Variants in BCAS3 observed in about 807,000 individuals in gnomAD.
The protein encoded by BCAS3 is BCAS4/BCAS3 fusion.
Under a neutral mutation model 116.1 loss-of-function variants are expected in BCAS3, and 53 were observed. That is an observed-to-expected ratio of 0.46 (90% CI 0.37 to 0.57). BCAS3 has a LOEUF of 0.57. Ranked by LOEUF, BCAS3 falls within the 20% of genes least tolerant of loss-of-function variation. The probability of loss-of-function intolerance (pLI) is 0.00; values close to 1 mark genes in which losing one functional copy is unlikely to be tolerated. For missense variants in BCAS3, 917 were observed against 1,165.4 expected, an observed-to-expected ratio of 0.79 and a Z score of 3.10; for synonymous variants, 391 against 408.2, an observed-to-expected ratio of 0.96 and a Z score of 0.51.
At chr17:61,016,173 T>A (rs1431629825) in intron 16 of BCAS3, among the ~76,000 whole-genome samples, 1 of 152,206 alleles carries the variant, frequency 6.6e-6, no homozygotes. Flanking sequence ...ATCTACTTCG[T>A]CTTATGCTTA....
At chr17:61,179,274 T>TG (rs2079333724) in intron 22 of BCAS3, among the ~76,000 whole-genome samples, 1 of 14,960 alleles carries the variant, frequency 6.7e-5, no homozygotes, top group African/African-American at 1.1e-4. Context: ...AGAAAAAGCC[T>TG]TTTTTTTTTT....
At chr17:61,057,903 T>A (rs1222308382) in intron 19 of BCAS3, among the ~76,000 whole-genome samples, 3 of 152,154 alleles carry the variant, frequency 2.0e-5, no homozygotes, top group African/African-American at 7.2e-5. Context: ...TTTTCCTATA[T>A]GTTTTAATAC....
chr17:61,265,475 C>T lies in BCAS3; in HGVS notation c.2426-102852C>T, dbSNP rs1475749239. ...ATTCAATAATTGTTCCCTTCCTTCC[C>T]CTCTTATACAAGGAAGAAAAAAGAC... is the stretch of plus-strand genomic sequence containing the variant. On this transcript the variant is annotated intron_variant, in intron 22 of 23. Transcript: ENST00000407086. The surrounding 1 kb of genome is among the most constrained non-coding windows in gnomAD (Gnocchi z 4.3). Among the ~76,000 whole-genome samples, 1 of 152,068 alleles carries T rather than the reference C, an allele frequency of 6.6e-6. No individual in the cohort carries two copies. The highest frequency in any genetic ancestry group is 1.5e-5 in the Non-Finnish European group (1 of 68,024).
intron 22 of BCAS3, among the ~76,000 whole-genome samples, chr17:61,173,612 A>T (rs1568505590): frequency 6.6e-6 from 1 of 152,314 alleles, no homozygotes; most frequent in East Asian, 1.9e-4. Context: ...TCTTAAAAAA[A>T]CTATATAATA....
In BCAS3 at chr17:61,381,097, A is replaced by T. The variant is rs1486992238; in HGVS notation, c.2594-10880A>T. 1.3e-5 allele frequency among the ~76,000 whole-genome samples: 2 copies of T among 152,352 alleles called. No individual in the cohort carries two copies. The highest frequency in any genetic ancestry group is 4.8e-5 in the African/African-American group (2 of 41,586). On this transcript the variant is annotated intron_variant, in intron 23 of 23. Coordinates refer to ENST00000407086, the MANE Select transcript of BCAS3 (RefSeq NM_017679.5). The surrounding 1 kb of genome is among the most constrained non-coding windows in gnomAD (Gnocchi z 6.0). ...TAACACAAAATTCATTACTGATCACATTACTTTCAACTCTGAAGCCAGCCT... is the reference window on the plus strand; with the variant it reads ...TAACACAAAATTCATTACTGATCACTTTACTTTCAACTCTGAAGCCAGCCT...
intron 12 of BCAS3, among the ~76,000 whole-genome samples, chr17:60,918,781 A>G (rs972149272): frequency 1.3e-5 from 2 of 148,730 alleles, no homozygotes; most frequent in Non-Finnish European, 3.0e-5. Context: ...CAAGCTCCGC[A>G]TCCCGGGTTT....
chr17:60,976,323 A>G (rs2062366525), intron 14 of BCAS3, among the ~76,000 whole-genome samples: 1 of 151,598 alleles, frequency 6.6e-6, no homozygotes. Context: ...CACAGCTTGT[A>G]TATAGGTTTT....
chr17:61,330,000 C>G (rs767330451), intron 22 of BCAS3, among the ~76,000 whole-genome samples: 1 of 152,172 alleles, frequency 6.6e-6, no homozygotes, highest in Admixed American at 6.5e-5. Context: ...CCTGCCCTAA[C>G]AGAACTTATT....
At chr17:60,764,666 C>T (rs8065913) in intron 6 of BCAS3, among the ~76,000 whole-genome samples, 41,693 of 151,966 alleles carry the variant, frequency 0.27, 11,431 homozygotes, top group African/African-American at 0.71. Flanking sequence ...GAACAATGTA[C>T]ATTCTGTTGA....
intron 22 of BCAS3, among the ~76,000 whole-genome samples, chr17:61,353,103 G>A (rs999350601): frequency 1.3e-5 from 2 of 152,140 alleles, no homozygotes; most frequent in Admixed American, 6.5e-5. Context: ...CAAGCCGGAT[G>A]TAACAGGCCC....
At chr17:60,883,190 TTC>T (rs1599408597) in intron 9 of BCAS3, among the ~76,000 whole-genome samples, 2 of 145,762 alleles carry the variant, frequency 1.4e-5, no homozygotes, top group African/African-American at 2.6e-5. Context: ...AGGTATTTTA[TTC>T]TCTTTGAAGC....
At chr17:60,910,723 G>A (rs1357405316) in intron 12 of BCAS3, 21 bp downstream of exon 12, 6 of 1,576,440 alleles carry the variant, frequency 3.8e-6, no homozygotes, top group East Asian at 2.3e-5. Flanking sequence ...CTTTTGGTGC[G>A]TACCATGTGT....
At chr17:61,298,807 TTTATTTATTTATTTA>T (rs1057481399) in intron 22 of BCAS3, among the ~76,000 whole-genome samples, 8 of 136,666 alleles carry the variant, frequency 5.9e-5, no homozygotes, top group South Asian at 2.3e-4. Flanking sequence ...TATTTATTTA[TTTATTTATTTATTTA>T]TTATTATTAT....
At chr17:61,030,843 A>G (rs1471576355) in intron 16 of BCAS3, among the ~76,000 whole-genome samples, 3 of 151,958 alleles carry the variant, frequency 2.0e-5, no homozygotes, top group African/African-American at 7.2e-5. Context: ...AATTTTTAAA[A>G]AATTATTGAA....
rs2143586388 is a variant in BCAS3, at chr17:61,376,837, C to T, written c.2593+8343C>T. ...ATTGGGCCCTGGAGTTTTCCTCCTT[C>T]TACAGCATCTACAAAAGTTCTCTCA... On this transcript the variant is annotated intron_variant, in intron 23 of 23. Coordinates refer to ENST00000407086, the MANE Select transcript of BCAS3 (RefSeq NM_017679.5). This position sits in a 1 kb window ranked among gnomAD's most constrained non-coding sequence, Gnocchi z 4.5. 6.6e-6 allele frequency among the ~76,000 whole-genome samples: 1 copy of T among 152,330 alleles called. No homozygotes were observed.
At chr17:60,783,855 CTT>C (rs749104820) in intron 6 of BCAS3, among the ~76,000 whole-genome samples, 5 of 152,084 alleles carry the variant, frequency 3.3e-5, no homozygotes, top group Non-Finnish European at 7.4e-5. Flanking sequence ...ATTTGAGACT[CTT>C]TTTGTTTGTT....
At position 61,300,241 on chromosome 17, in the gene BCAS3, G is replaced by C. The variant is rs1020470510; in HGVS notation, c.2426-68086G>C. Among the ~76,000 whole-genome samples the C allele has an allele frequency of 1.3e-5, 2 of 152,160 alleles. No homozygotes were observed. Among genetic ancestry groups the C allele is most frequent in the African/African-American group, 4.8e-5 (2 of 41,420 alleles). ...CACTTGCCACATACAGTCCCAGTTGGTTTCACTGTCCCGAGACCCTAAGGA... is the reference window on the plus strand; with the variant it reads ...CACTTGCCACATACAGTCCCAGTTGCTTTCACTGTCCCGAGACCCTAAGGA... On this transcript the variant is annotated intron_variant, in intron 22 of 23. Coordinates refer to ENST00000407086, the MANE Select transcript of BCAS3 (RefSeq NM_017679.5). The surrounding 1 kb of genome is among the most constrained non-coding windows in gnomAD (Gnocchi z 5.1).
intron 7 of BCAS3, among the ~76,000 whole-genome samples, chr17:60,837,444 T>C (rs1428142918): frequency 1.3e-5 from 2 of 152,086 alleles, no homozygotes; most frequent in Admixed American, 6.6e-5. Context: ...AGTACTGATA[T>C]CAGGAATGAA....
intron 6 of BCAS3, among the ~76,000 whole-genome samples, chr17:60,775,225 C>T (rs2045157279): frequency 6.6e-6 from 1 of 151,838 alleles, no homozygotes; most frequent in Non-Finnish European, 1.5e-5. Flanking sequence ...TTTTTTCTCT[C>T]GGGTGCTAGA....
Sources: allele counts gnomAD v4.1 joint callset (sites outside exome capture counted in the v4.1 genomes callset), GRCh38; gene constraint gnomAD v4.1.1; non-coding constraint Gnocchi (gnomAD v3.1); transcripts MANE v1.5; gene names NCBI Gene and HGNC (gene_info 2026-07-23, HGNC 2026-07-21).